Variants in CTH observed in about 807,000 individuals in gnomAD.
The protein encoded by CTH is cystathionase (cystathionine gamma-lyase).
Under a neutral mutation model 50.6 loss-of-function variants are expected in CTH, and 41 were observed. The ratio of observed to expected loss-of-function variants is 0.81; its 90% CI spans 0.63 to 1.05. The LOEUF is 1.05. Among genes scored for constraint, CTH ranks in the 50% least tolerant of loss-of-function variants. The pLI is 0.00. For missense variants in CTH, 470 were observed against 492.6 expected, an observed-to-expected ratio of 0.95 and a Z score of 0.43; for synonymous variants, 156 against 168.9, an observed-to-expected ratio of 0.92 and a Z score of 0.59.
At chr1:70,431,704 T>C (rs1684479506) in intron 7 of CTH, among the ~76,000 whole-genome samples, 2 of 152,332 alleles carry the variant, frequency 1.3e-5, no homozygotes, top group Non-Finnish European at 2.9e-5. Context: ...TATTCAGTAA[T>C]AATAGGACTT....
chr1:70,424,910 C>G (rs1403756430), intron 5 of CTH, among the ~76,000 whole-genome samples: 1 of 151,732 alleles, frequency 6.6e-6, no homozygotes. Context: ...GCCTGGGTGA[C>G]AGGGTGAGAC....
At chr1:70,413,095 G>A (rs1215421654) in intron 1 of CTH, among the ~76,000 whole-genome samples, 1 of 151,964 alleles carries the variant, frequency 6.6e-6, no homozygotes, top group Non-Finnish European at 1.5e-5. Context: ...CCTTGATTAT[G>A]CTTTGGAAAC....
At chr1:70,432,327 G>A (rs1037947099) in intron 8 of CTH, 92 bp downstream of exon 8, 4 of 1,455,762 alleles carry the variant, frequency 2.7e-6, no homozygotes, top group Non-Finnish European at 3.8e-6. Flanking sequence ...TAAGTTAGGT[G>A]CTTTCACGTA....
rs1057337228 is a variant in CTH at position 70,421,681 on chromosome 1, T to C, written c.456+6T>C. The C allele has an allele frequency of 3.1e-6, 5 of 1,613,584 alleles. No individual in the cohort carries two copies. Among genetic ancestry groups the C allele is most frequent in the Non-Finnish European group, 4.2e-6 (5 of 1,179,604 alleles). On this transcript the variant is annotated splice_donor_region_variant and intron_variant, in intron 4 of 11. Coordinates refer to ENST00000370938, the MANE Select transcript of CTH (RefSeq NM_001902.6). ...CAATTACACCAGAAACCAAGGTAAC[T>C]CAGCTCATTTTCAGTTTTGCCTGTT...
chr1:70,417,975 A>G lies in CTH; in HGVS notation c.289A>G (p.Ile97Val), dbSNP rs1214182106. Residue 97 changes from isoleucine to valine, a missense_variant, in exon 3 of 12, where the codon ATT becomes GTT. Physicochemically the swap from Ile to Val is conservative, Grantham distance 29 (BLOSUM62 3). Coordinates refer to ENST00000370938, the MANE Select transcript of CTH (RefSeq NM_001902.6). Reference protein sequence around the residue: ...FASGLAATVTITHLLKAGDQI... With the variant: ...FASGLAATVTVTHLLKAGDQI... ...TTCAGGTTTAGCAGCCACTGTAACTATTACCCATCTTTTAAAAGCAGGAGA... is the reference window on the plus strand; with the variant it reads ...TTCAGGTTTAGCAGCCACTGTAACTGTTACCCATCTTTTAAAAGCAGGAGA... The G allele has an allele frequency of 6.2e-7, 1 of 1,614,086 alleles. No individual in the cohort carries two copies. Among genetic ancestry groups the G allele is most frequent in the South Asian group, 1.1e-5 (1 of 91,088 alleles).
At position 70,438,840 on chromosome 1, in the gene CTH, TTGTGTG is replaced by T. The variant is rs58815241; in HGVS notation, c.1191+38_1191+43del. On this transcript the variant is annotated intron_variant, in intron 11 of 11. Transcript: ENST00000370938. ...TTGAAGGCAGCAGTAAGTCTTATTA[TTGTGTG>T]TGTGTGTGTGTGTGTGTGTGTGTCT... is the stretch of plus-strand genomic sequence containing the variant. The T allele has an allele frequency of 8.9e-5, 139 of 1,558,708 alleles. No individual in the cohort carries two copies. In the East Asian group the frequency reaches 2.0e-3, roughly 22 times the overall value.
At chr1:70,418,114 T>A in intron 3 of CTH, 82 bp downstream of exon 3, 1 of 1,483,092 alleles carries the variant, frequency 6.7e-7, no homozygotes, top group Non-Finnish European at 9.3e-7. Flanking sequence ...ATTAACAATG[T>A]TGCCAGTATT....
intron 7 of CTH, 84 bp from the exon 8 acceptor site, chr1:70,431,999 G>A: frequency 7.1e-7 from 1 of 1,409,062 alleles, no homozygotes; most frequent in Non-Finnish European, 1.0e-6. Context: ...GCTTCTGAGA[G>A]TCACTGTAAT....
intron 5 of CTH, among the ~76,000 whole-genome samples, chr1:70,426,814 C>T (rs930259456): frequency 6.6e-6 from 1 of 152,106 alleles, no homozygotes; most frequent in Non-Finnish European, 1.5e-5. Context: ...TACATTAGGC[C>T]AGTTAATACA....
At chr1:70,418,180 CTT>C in intron 3 of CTH, 148 bp downstream of exon 3, 1 of 937,918 alleles carries the variant, frequency 1.1e-6, no homozygotes, top group Non-Finnish European at 1.6e-6. Context: ...CTCTCTCAGA[CTT>C]GGGAAAAGAG....
intron 10 of CTH, among the ~76,000 whole-genome samples, chr1:70,436,527 C>A (rs984879385): frequency 1.3e-5 from 2 of 152,040 alleles, no homozygotes; most frequent in Non-Finnish European, 2.9e-5. Flanking sequence ...TCTGTGTCTT[C>A]ATTTTTATAA....
chr1:70,424,266 A>AT lies in CTH; in HGVS notation c.457-16dup. On this transcript the variant is annotated intron_variant, in intron 4 of 11. Coordinates refer to ENST00000370938, the MANE Select transcript of CTH (RefSeq NM_001902.6). The stretch of plus-strand genomic sequence containing the variant: ...AAGTATATTTTTACAAACTACTGTT[A>AT]TTTGCTGAATTATTTTAGCTTGTTT... 6.2e-7 allele frequency: 1 copy of AT among 1,613,940 alleles called. No individual in the cohort carries two copies. The highest frequency in any genetic ancestry group is 8.5e-7 in the Non-Finnish European group (1 of 1,179,876).
chr1:70,430,328 G>A lies in CTH; in HGVS notation c.658G>A (p.Val220Ile). 5 of 1,591,384 alleles carry A rather than the reference G, an allele frequency of 3.1e-6. No individual in the cohort carries two copies. The highest frequency in any genetic ancestry group is 2.2e-5 in the South Asian group (2 of 90,556). Residue 220 changes from valine (V) to isoleucine (I), a missense_variant, in exon 7 of 12, where the codon GTT (valine) becomes ATT (isoleucine). Coordinates refer to ENST00000370938, the MANE Select transcript of CTH (RefSeq NM_001902.6). ...ATKYMNGHSD[V>I]VMGLVSVNCE... is the part of the protein sequence containing the mutation. ...TTTTTTGTTTTTAGGCCACAGTGAT[G>A]TTGTAATGGGCCTGGTGTCTGTTAA...
chr1:70,412,040 CAT>C (rs771399780), intron 1 of CTH, among the ~76,000 whole-genome samples: 21 of 152,198 alleles, frequency 1.4e-4, no homozygotes, highest in Non-Finnish European at 2.9e-4. Flanking sequence ...TCGTATATAT[CAT>C]GTGTATTACA....
intron 10 of CTH, among the ~76,000 whole-genome samples, chr1:70,437,032 T>C (rs911130564): frequency 3.3e-5 from 5 of 152,188 alleles, no homozygotes; most frequent in Non-Finnish European, 7.3e-5. Flanking sequence ...CTGCTACTAG[T>C]GCAGCATTGC....
chr1:70,432,984 C>T (rs1280244652), intron 8 of CTH, among the ~76,000 whole-genome samples: 3 of 152,050 alleles, frequency 2.0e-5, no homozygotes, highest in Admixed American at 6.6e-5. Context: ...ACGCCCAGCC[C>T]CCTGAGGTTC....
chr1:70,439,433 T>C lies in CTH; in HGVS notation c.*306T>C. On this transcript the variant is annotated 3_prime_UTR_variant, in exon 12 of 12. Transcript: ENST00000370938. ...TCTTTTTTCATGTCTAAGATTTATT[T>C]TGATCATGTTTATAATATAATGGTA... 1 of 356,118 alleles carries C rather than the reference T, an allele frequency of 2.8e-6. No individual in the cohort carries two copies. Among genetic ancestry groups the C allele is most frequent in the Non-Finnish European group, 5.1e-6 (1 of 194,376 alleles). The allele number at this position is 356,118 out of a possible 1,614,324, so 22.1% of individuals were successfully genotyped here.
At chr1:70,420,960 C>G (rs1301484137) in intron 3 of CTH, among the ~76,000 whole-genome samples, 1 of 151,906 alleles carries the variant, frequency 6.6e-6, no homozygotes, top group Non-Finnish European at 1.5e-5. Context: ...TATTGAGTAT[C>G]AATATCAATT....
At chr1:70,414,295 T>A (rs1425736082) in intron 1 of CTH, among the ~76,000 whole-genome samples, 1 of 151,624 alleles carries the variant, frequency 6.6e-6, no homozygotes, top group South Asian at 2.1e-4. Context: ...GGGTGGGTCA[T>A]GAGGTCAGGA....
Sources: allele counts gnomAD v4.1 joint callset (sites outside exome capture counted in the v4.1 genomes callset), GRCh38; gene constraint gnomAD v4.1.1; transcripts MANE v1.5; gene names NCBI Gene and HGNC (gene_info 2026-07-23, HGNC 2026-07-21).